The following CHST9 variants were observed in gnomAD, a reference collection of about 807,000 sequenced individuals.
The protein encoded by CHST9 is GalNAc-4-sulfotransferase 2.
In CHST9, 41 loss-of-function variants were observed where a neutral mutation model predicts 44.4. That is an observed-to-expected ratio of 0.92 (90% confidence interval 0.72 to 1.20). The LOEUF is 1.20. Among genes scored for constraint, CHST9 ranks in the 50% most tolerant of loss-of-function variants. The pLI, the probability that CHST9 is intolerant of heterozygous loss-of-function variation, is 0.00. For missense variants in CHST9, 504 were observed against 516.5 expected, an observed-to-expected ratio of 0.98 and a Z score of 0.23; for synonymous variants, 171 against 178.4, an observed-to-expected ratio of 0.96 and a Z score of 0.33.
At chr18:27,158,617 C>T (rs557269747) in intron 1 of CHST9, among the ~76,000 whole-genome samples, 146 of 152,164 alleles carry the variant, frequency 9.6e-4, no homozygotes, top group African/African-American at 2.8e-3. Context: ...TGGGTATATA[C>T]CCAGTAATGG....
At chr18:27,032,058 C>T (rs1011002656) in intron 3 of CHST9, among the ~76,000 whole-genome samples, 9 of 152,042 alleles carry the variant, frequency 5.9e-5, no homozygotes, top group African/African-American at 2.2e-4. Flanking sequence ...AGTGCTGGAC[C>T]CAAATCTTGG....
At chr18:27,160,874 C>T (rs1467294211) in intron 1 of CHST9, among the ~76,000 whole-genome samples, 1 of 152,140 alleles carries the variant, frequency 6.6e-6, no homozygotes, top group African/African-American at 2.4e-5. Context: ...TCCATTTCTT[C>T]TAGATTTTCT....
chr18:27,041,510 T>C (rs1309074428), intron 3 of CHST9, among the ~76,000 whole-genome samples: 1 of 152,118 alleles, frequency 6.6e-6, no homozygotes, highest in South Asian at 2.1e-4. Context: ...AAAGAAAGCA[T>C]GTTTCCAGTC....
intron 2 of CHST9, among the ~76,000 whole-genome samples, chr18:27,103,470 A>G (rs897990369): frequency 6.6e-6 from 1 of 152,086 alleles, no homozygotes; most frequent in Admixed American, 6.5e-5. Context: ...AACTCCTAAG[A>G]CTCAATCAAG....
At chr18:27,056,922 A>G (rs767415208) in intron 2 of CHST9, among the ~76,000 whole-genome samples, 33 of 152,188 alleles carry the variant, frequency 2.2e-4, no homozygotes, top group Non-Finnish European at 4.3e-4. Context: ...TCAAATACAA[A>G]TTAGTTTGAT....
At chr18:27,138,348 GC>G (rs1295993169) in intron 2 of CHST9, among the ~76,000 whole-genome samples, 1 of 152,122 alleles carries the variant, frequency 6.6e-6, no homozygotes, top group Non-Finnish European at 1.5e-5. Flanking sequence ...CATGGAGGCA[GC>G]TTGTATGGAC....
At chr18:27,067,679 TA>T (rs1368292502) in intron 2 of CHST9, among the ~76,000 whole-genome samples, 1 of 152,096 alleles carries the variant, frequency 6.6e-6, no homozygotes, top group Non-Finnish European at 1.5e-5. Flanking sequence ...AGCAGCTTTT[TA>T]AAAAGGAGTG....
intron 4 of CHST9, among the ~76,000 whole-genome samples, chr18:26,982,169 G>C (rs372324347): frequency 6.6e-6 from 1 of 152,118 alleles, no homozygotes; most frequent in East Asian, 1.9e-4. Context: ...ACACTGAAAA[G>C]ATTACAGTGA....
intron 2 of CHST9, among the ~76,000 whole-genome samples, chr18:27,095,926 C>T (rs549613802): frequency 3.9e-5 from 6 of 152,132 alleles, no homozygotes; most frequent in East Asian, 1.9e-4. Context: ...GAACATGTGA[C>T]CAATTGGACC....
intron 1 of CHST9, among the ~76,000 whole-genome samples, chr18:27,154,987 C>T (rs2058687177): frequency 6.6e-6 from 1 of 150,800 alleles, no homozygotes; most frequent in Admixed American, 6.6e-5. Context: ...GAGGCAGAAG[C>T]ATGAGAATCC....
intron 5 of CHST9, chr18:26,936,186 C>G (rs955815716): frequency 2.4e-4 from 37 of 152,166 alleles, no homozygotes; most frequent in African/African-American, 8.7e-4. Context: ...CTGGTATTCA[C>G]GATCACTGTT....
At chr18:27,175,769 C>A (rs951823491) in intron 1 of CHST9, among the ~76,000 whole-genome samples, 1 of 151,848 alleles carries the variant, frequency 6.6e-6, no homozygotes, top group Admixed American at 6.6e-5. Flanking sequence ...CTGAAGCAGG[C>A]GTTGTAGTAT....
intron 2 of CHST9, among the ~76,000 whole-genome samples, chr18:27,053,818 G>T (rs932497918): frequency 1.3e-5 from 2 of 152,054 alleles, no homozygotes; most frequent in Non-Finnish European, 2.9e-5. Context: ...CTGTCACACG[G>T]CTCCTGCCTA....
chr18:27,126,662 T>G (rs1598742366), intron 2 of CHST9, among the ~76,000 whole-genome samples: 1 of 151,640 alleles, frequency 6.6e-6, no homozygotes, highest in South Asian at 2.1e-4. Context: ...TCATGAAGGG[T>G]TTTGATAGCC....
chr18:27,036,028 T>C (rs1309203717), intron 3 of CHST9, among the ~76,000 whole-genome samples: 1 of 152,104 alleles, frequency 6.6e-6, no homozygotes, highest in Non-Finnish European at 1.5e-5. Flanking sequence ...CCTCAATGAA[T>C]TTGGAAAAAA....
At chr18:27,053,253 AAGAAGAAGGAGAAGG>A (rs1670809999) in intron 2 of CHST9, among the ~76,000 whole-genome samples, 9 of 113,032 alleles carry the variant, frequency 8.0e-5, no homozygotes, top group African/African-American at 2.7e-4. Context: ...GAAGAAGAAG[AAGAAGAAGGAGAAGG>A]AGAAGGAGAA....
chr18:27,152,799 G>A (rs569381826), intron 1 of CHST9, among the ~76,000 whole-genome samples: 2 of 152,100 alleles, frequency 1.3e-5, no homozygotes, highest in East Asian at 3.9e-4. Context: ...TTTTTCTGCG[G>A]TGGTACAAAA....
intron 4 of CHST9, 97 bp downstream of exon 4, chr18:27,024,019 G>T: frequency 8.5e-7 from 1 of 1,178,490 alleles, no homozygotes; most frequent in Non-Finnish European, 1.2e-6. Context: ...CAGAACAGGT[G>T]CTTAAAAGCC....
intron 2 of CHST9, among the ~76,000 whole-genome samples, chr18:27,134,441 C>G (rs972704694): frequency 6.6e-6 from 1 of 152,074 alleles, no homozygotes; most frequent in Non-Finnish European, 1.5e-5. Flanking sequence ...GAAATACAAC[C>G]AGGACTACTG....
Sources: gnomAD v4.1 joint callset for allele counts (sites outside exome capture counted in the v4.1 genomes callset) on GRCh38, gnomAD v4.1.1 for gene constraint, MANE v1.5 for transcripts, NCBI Gene and HGNC (gene_info 2026-07-23, HGNC 2026-07-21) for gene names.